ZNF253: variants seen among roughly 807,000 people sequenced by gnomAD.
ZNF253 encodes DNA-binding protein.
A neutral mutation model predicts 11.9 loss-of-function variants in ZNF253; 8 were observed. That is an observed-to-expected ratio of 0.67 (90% CI 0.40 to 1.22). The LOEUF is 1.22. ZNF253 is among the 50% of genes most tolerant of loss of function. ZNF253 has a pLI of 0.01. For missense variants in ZNF253, 485 were observed against 586.9 expected (o/e 0.83, Z 1.79); for synonymous variants, 194 against 194.9 (o/e 1.00, Z 0.04).
intron 3 of ZNF253, among the ~76,000 whole-genome samples, chr19:19,885,275 CTTTCTTTCTTTCTT>C (rs2063197110): frequency 2.2e-5 from 1 of 45,534 alleles, no homozygotes; most frequent in Non-Finnish European, 3.5e-5. Context: ...TTCTTTCTTT[CTTTCTTTCTTTCTT>C]TCTCTTTCTT....
intron 3 of ZNF253, among the ~76,000 whole-genome samples, chr19:19,884,101 T>C (rs938392079): frequency 2.6e-5 from 4 of 151,414 alleles, no homozygotes; most frequent in Admixed American, 2.6e-4. Flanking sequence ...TGGAATCATA[T>C]AGTATCCATA....
chr19:19,889,884 C>T (rs73530927), intron 3 of ZNF253, among the ~76,000 whole-genome samples: 9,970 of 152,234 alleles, frequency 0.065, 752 homozygotes, highest in African/African-American at 0.18. Context: ...ATGTGATTTT[C>T]CTACCTTGGC....
chr19:19,874,067 C>G (rs2063145089), intron 1 of ZNF253, among the ~76,000 whole-genome samples: 1 of 152,046 alleles, frequency 6.6e-6, no homozygotes, highest in South Asian at 2.1e-4. Context: ...CACCACCATG[C>G]CCAGCTAATT....
intron 1 of ZNF253, among the ~76,000 whole-genome samples, chr19:19,875,990 C>T (rs1406019578): frequency 6.6e-6 from 1 of 152,070 alleles, no homozygotes; most frequent in African/African-American, 2.4e-5. Flanking sequence ...TAAATATAGA[C>T]TTATTCAGAC....
At position 19,880,116 on chromosome 19, in the gene ZNF253, G is replaced by C; in HGVS notation, c.196G>C (p.Glu66Gln). 1 of 1,609,080 alleles carries C rather than the reference G, an allele frequency of 6.2e-7. No individual in the cohort carries two copies. Among genetic ancestry groups the C allele is most frequent in the Middle Eastern group, 1.7e-4 (1 of 6,044 alleles). The change falls in exon 3 of 4, where the codon GAA (glutamate) becomes CAA (glutamine). Residue 66 changes from glutamate to glutamine, a missense_variant. Glu to Gln is a conservative substitution (Grantham distance 29). Transcript: ENST00000589717. ...GCAAGGAAAAAAACCTTTAACTATG[G>C]AAAGACATGAGATGATTGCCAAACC... ...LEQGKKPLTM[E>Q]RHEMIAKPPV...
At chr19:19,876,313 G>T (rs1411982186) in intron 1 of ZNF253, among the ~76,000 whole-genome samples, 2 of 144,118 alleles carry the variant, frequency 1.4e-5, no homozygotes, top group Non-Finnish European at 3.1e-5. Flanking sequence ...AAACTTTACA[G>T]GCAGTGCTCT....
chr19:19,891,884 G>T lies in ZNF253; in HGVS notation c.637G>T (p.Ala213Ser), dbSNP rs770529875. 1.6e-5 allele frequency: 26 copies of T among 1,606,304 alleles called. No individual in the cohort carries two copies. Among genetic ancestry groups the T allele is most frequent in the Non-Finnish European group, 2.0e-5 (24 of 1,177,236 alleles). The change falls in exon 4 of 4, where the codon GCA becomes TCA. Residue 213 changes from alanine (A) to serine (S), a missense_variant. This residue lies in a region of ZNF253 where 218 missense variants were observed against 213.1 expected (regional missense o/e 1.02). Coordinates refer to ENST00000589717, the MANE Select transcript of ZNF253 (RefSeq NM_021047.3). ...EECGKAFNQS[A>S]NLTTHKRIHT... ...ATGTGGCAAAGCTTTTAACCAATCT[G>T]CAAACCTTACTACACATAAGAGAAT...
In ZNF253 at chr19:19,894,049, T is replaced by G. The variant is rs908717687; in HGVS notation, c.*1302T>G. On this transcript the variant is annotated 3_prime_UTR_variant, in exon 4 of 4. Coordinates refer to ENST00000589717, the MANE Select transcript of ZNF253 (RefSeq NM_021047.3). ...TATCAAAAAATATTTAATTCAAAATTGATTCTATGTAAATATCAGAGAATT... is the reference window on the plus strand; with the variant it reads ...TATCAAAAAATATTTAATTCAAAATGGATTCTATGTAAATATCAGAGAATT... 6 of 152,234 alleles carry G rather than the reference T, an allele frequency of 3.9e-5. No individual in the cohort carries two copies. The highest frequency in any genetic ancestry group is 1.4e-4 in the African/African-American group (6 of 41,472). 9.4% of individuals were successfully genotyped at this position (152,234 alleles called of 1,614,324 possible).
At chr19:19,867,087 TAAC>T (rs774770058) in intron 1 of ZNF253, among the ~76,000 whole-genome samples, 4 of 152,142 alleles carry the variant, frequency 2.6e-5, no homozygotes, top group East Asian at 3.9e-4. Context: ...ACGCCTGTAA[TAAC>T]AACACTTCAG....
intron 2 of ZNF253, among the ~76,000 whole-genome samples, chr19:19,878,847 C>A (rs1270669411): frequency 6.6e-6 from 1 of 152,074 alleles, no homozygotes; most frequent in Non-Finnish European, 1.5e-5. Context: ...TATAATTACA[C>A]TGTTTGTACT....
At chr19:19,890,251 T>C (rs529847420) in intron 3 of ZNF253, among the ~76,000 whole-genome samples, 1 of 152,322 alleles carries the variant, frequency 6.6e-6, no homozygotes, top group Non-Finnish European at 1.5e-5. Context: ...TATTTCTTCC[T>C]AATAATCAGT....
rs781664752 is a variant in ZNF253 at position 19,892,336 on chromosome 19, T to C, written c.1089T>C (p.Thr363=). 1 of 1,611,536 alleles carries C rather than the reference T, an allele frequency of 6.2e-7. No individual in the cohort carries two copies. Among genetic ancestry groups the C allele is most frequent in the South Asian group, 1.1e-5 (1 of 90,948 alleles). ...TTACTACACATAAGATACTTCATACTGGAGAGAAACCCTACAGATGTAGAG... is the reference window on the plus strand; with the variant it reads ...TTACTACACATAAGATACTTCATACCGGAGAGAAACCCTACAGATGTAGAG... ...SHLTTHKILH[T]GEKPYRCREC... The change falls in exon 4 of 4, where the codon ACT becomes ACC. Residue 363 remains threonine (T), a synonymous_variant. Coordinates refer to ENST00000589717, the MANE Select transcript of ZNF253 (RefSeq NM_021047.3).
chr19:19,884,394 TC>T (rs2063190244), intron 3 of ZNF253, among the ~76,000 whole-genome samples: 1 of 151,780 alleles, frequency 6.6e-6, no homozygotes, highest in Non-Finnish European at 1.5e-5. Flanking sequence ...TTTTTTGAGA[TC>T]GAGTCTCCCG....
intron 3 of ZNF253, among the ~76,000 whole-genome samples, chr19:19,882,903 A>G (rs8105329): frequency 0.43 from 65,339 of 151,424 alleles, 18,830 homozygotes; most frequent in African/African-American, 0.81. Context: ...CCTGGGAAGC[A>G]GAGGTTGCAA....
At chr19:19,874,250 G>A (rs2063145708) in intron 1 of ZNF253, among the ~76,000 whole-genome samples, 1 of 152,078 alleles carries the variant, frequency 6.6e-6, no homozygotes, top group Admixed American at 6.6e-5. Context: ...GGAAGGCCTG[G>A]TGCAGTGCCT....
chr19:19,880,214 C>T (rs1599554024), intron 3 of ZNF253, 68 bp downstream of exon 3: 1 of 1,208,724 alleles, frequency 8.3e-7, no homozygotes, highest in African/African-American at 1.6e-5. Context: ...AAGAGAAAAC[C>T]AGTCTTTAAA....
intron 1 of ZNF253, among the ~76,000 whole-genome samples, chr19:19,874,269 T>C (rs991842123): frequency 1.3e-5 from 2 of 152,114 alleles, no homozygotes; most frequent in African/African-American, 4.8e-5. Flanking sequence ...CTCACACCTG[T>C]AATTTTAGCA....
At position 19,892,753 on chromosome 19, in the gene ZNF253, A is replaced by G. The variant is rs1317257405; in HGVS notation, c.*6A>G. On this transcript the variant is annotated 3_prime_UTR_variant, in exon 4 of 4. Transcript: ENST00000589717. ...TTTTAATTAGCATAAGATAATTCAT[A>G]CTGGAGAGAAACCCTATGAATGTGA... is the stretch of plus-strand genomic sequence containing the variant. The G allele has an allele frequency of 6.3e-7, 1 of 1,575,746 alleles. No homozygotes were observed. The highest frequency in any genetic ancestry group is 1.9e-5 in the Admixed American group (1 of 53,788).
At chr19:19,882,376 G>A (rs957446407) in intron 3 of ZNF253, among the ~76,000 whole-genome samples, 3 of 152,070 alleles carry the variant, frequency 2.0e-5, no homozygotes, top group African/African-American at 7.2e-5. Flanking sequence ...AGTGAAGAGG[G>A]GTTGTAGCTT....
Sources: allele counts gnomAD v4.1 joint callset (sites outside exome capture counted in the v4.1 genomes callset), GRCh38; gene constraint gnomAD v4.1.1; regional missense constraint gnomAD v4.1.1; transcripts MANE v1.5; gene names NCBI Gene and HGNC (gene_info 2026-07-23, HGNC 2026-07-21).